PATJ: variants seen among roughly 807,000 people sequenced by gnomAD.
PATJ encodes the protein inaD-like protein.
A neutral mutation model predicts 224.9 loss-of-function variants in PATJ; 190 were observed. The observed-to-expected ratio is 0.84, with a 90% confidence interval of 0.75 to 0.95. The LOEUF is 0.95. PATJ is among the 40% of genes least tolerant of loss of function. PATJ has a pLI of 0.00. For missense variants in PATJ, 2,121 were observed against 2,270.3 expected (o/e 0.93, Z 1.34); for synonymous variants, 769 against 820.3 (o/e 0.94, Z 1.07).
intron 21 of PATJ, among the ~76,000 whole-genome samples, chr1:61,877,390 C>T (rs1362488183): frequency 6.6e-6 from 1 of 151,732 alleles, no homozygotes; most frequent in Non-Finnish European, 1.5e-5. Context: ...TTCCTCCATT[C>T]CTCTCCTATA....
intron 13 of PATJ, 145 bp from the exon 14 acceptor site, chr1:61,808,329 A>G: frequency 1.6e-6 from 1 of 644,096 alleles, no homozygotes; most frequent in Non-Finnish European, 2.8e-6. Flanking sequence ...ATTATGTGTT[A>G]TAGATTTCAA....
intron 35 of PATJ, among the ~76,000 whole-genome samples, chr1:62,115,923 A>C (rs1256436919): frequency 6.6e-6 from 1 of 152,102 alleles, no homozygotes; most frequent in Non-Finnish European, 1.5e-5. Context: ...ATGCATTACC[A>C]AACAAAAAAA....
At chr1:62,130,074 C>T (rs1666106018) in intron 41 of PATJ, among the ~76,000 whole-genome samples, 1 of 152,196 alleles carries the variant, frequency 6.6e-6, no homozygotes, top group Admixed American at 6.5e-5. Context: ...GTGGCTCACA[C>T]CTATAGTCCC....
chr1:61,881,837 C>T (rs1261482594), intron 21 of PATJ, among the ~76,000 whole-genome samples: 1 of 152,116 alleles, frequency 6.6e-6, no homozygotes, highest in Non-Finnish European at 1.5e-5. Flanking sequence ...TCTCAAAGCT[C>T]CTTTACGAGA....
At chr1:61,874,602 G>T (rs1448591945) in intron 20 of PATJ, among the ~76,000 whole-genome samples, 2 of 152,158 alleles carry the variant, frequency 1.3e-5, no homozygotes, top group Non-Finnish European at 2.9e-5. Context: ...TCTTCACCTT[G>T]GGGGTTAGGA....
At chr1:61,772,711 C>T (rs568822110) in intron 6 of PATJ, among the ~76,000 whole-genome samples, 5 of 152,238 alleles carry the variant, frequency 3.3e-5, no homozygotes, top group South Asian at 4.1e-4. Flanking sequence ...CATTGTTTAA[C>T]GTATAAAGAA....
chr1:61,784,939 G>T (rs988262817), intron 7 of PATJ, among the ~76,000 whole-genome samples: 1 of 151,890 alleles, frequency 6.6e-6, no homozygotes, highest in Non-Finnish European at 1.5e-5. Flanking sequence ...TTGCATTTCC[G>T]CTGCACCACT....
chr1:62,151,468 G>A (rs1002069871), intron 42 of PATJ, among the ~76,000 whole-genome samples: 1 of 152,060 alleles, frequency 6.6e-6, no homozygotes, highest in Non-Finnish European at 1.5e-5. Context: ...GCAGGCGCCT[G>A]TAGTCCCAGC....
chr1:62,067,274 A>G (rs528990598), intron 31 of PATJ, among the ~76,000 whole-genome samples: 44 of 151,656 alleles, frequency 2.9e-4, no homozygotes, highest in Admixed American at 5.3e-4. Flanking sequence ...CTACAGGCAC[A>G]TGCCACCACG....
chr1:61,902,729 C>T (rs547261049), intron 24 of PATJ, among the ~76,000 whole-genome samples: 31 of 151,970 alleles, frequency 2.0e-4, no homozygotes, highest in Non-Finnish European at 3.7e-4. Context: ...GGGGAATAGA[C>T]AATAAAATAA....
chr1:61,973,333 G>A (rs1162265760), intron 27 of PATJ, among the ~76,000 whole-genome samples: 1 of 151,968 alleles, frequency 6.6e-6, no homozygotes. Flanking sequence ...TGTTCTGATG[G>A]TTATTGGAAA....
At chr1:61,894,446 G>A (rs1370023192) in intron 22 of PATJ, among the ~76,000 whole-genome samples, 2 of 152,134 alleles carry the variant, frequency 1.3e-5, no homozygotes, top group Non-Finnish European at 2.9e-5. Context: ...CATGGGAGGT[G>A]ATTGGATCGT....
rs181906006 is a variant in PATJ at position 61,789,036 on chromosome 1, C to T, written c.1068+1064C>T. The stretch of plus-strand genomic sequence containing the variant: ...AAAGAAAAGAGAAATGGGCCAGATG[C>T]GGTGGCTTACGCCTCTAATGCCAGC... On this transcript the variant is annotated intron_variant, in intron 8 of 43. Coordinates refer to ENST00000642238, the MANE Select transcript of PATJ (RefSeq NM_001350145.3). Among the ~76,000 whole-genome samples the T allele has an allele frequency of 7.1e-4, 108 of 151,874 alleles. 1 individual carries two copies. Among genetic ancestry groups the T allele is most frequent in the African/African-American group, 2.3e-3 (94 of 41,462 alleles).
At chr1:62,022,399 C>T (rs11590158) in intron 29 of PATJ, among the ~76,000 whole-genome samples, 19,658 of 152,048 alleles carry the variant, frequency 0.13, 1,405 homozygotes, top group Middle Eastern at 0.23. Flanking sequence ...ACATATGGTC[C>T]CTGATACACT....
chr1:61,963,193 A>G (rs1681566475), intron 27 of PATJ, among the ~76,000 whole-genome samples: 1 of 152,222 alleles, frequency 6.6e-6, no homozygotes, highest in African/African-American at 2.4e-5. Context: ...AACTTTACTA[A>G]TAGCCTACTC....
chr1:62,064,622 G>A (rs371199800), intron 31 of PATJ, among the ~76,000 whole-genome samples: 24 of 152,228 alleles, frequency 1.6e-4, no homozygotes, highest in South Asian at 8.3e-4. Flanking sequence ...CCACCGCGCC[G>A]GGCCTTCATA....
chr1:61,755,787 A>G (rs952968741), intron 1 of PATJ, among the ~76,000 whole-genome samples: 3 of 152,194 alleles, frequency 2.0e-5, no homozygotes, highest in Admixed American at 2.0e-4. Flanking sequence ...CAAAAGACAT[A>G]CAAAATAAGG....
At position 62,161,004 on chromosome 1, in the gene PATJ, G is replaced by T. The variant is rs991501870; in HGVS notation, c.5599G>T (p.Ala1867Ser). The T allele has an allele frequency of 1.2e-6, 2 of 1,608,354 alleles. No individual in the cohort carries two copies. Among genetic ancestry groups the T allele is most frequent in the Admixed American group, 1.7e-5 (1 of 59,012 alleles). The part of the protein sequence containing the change: ...LEGVTHEQAV[A>S]ILKHQRGTVT... ...AGGTGTTACTCATGAGCAAGCAGTCGCCATTCTAAAACACCAGAGAGGGAC... is the reference window on the plus strand; with the variant it reads ...AGGTGTTACTCATGAGCAAGCAGTCTCCATTCTAAAACACCAGAGAGGGAC... The change falls in exon 44 of 44, where the codon GCC (alanine) becomes TCC (serine). Residue 1867 changes from alanine (A) to serine (S), a missense_variant. Physicochemically the swap from Ala to Ser is moderately conservative, Grantham distance 99. Coordinates refer to ENST00000642238, the MANE Select transcript of PATJ (RefSeq NM_001350145.3).
At chr1:62,061,685 A>G (rs1460578452) in intron 31 of PATJ, among the ~76,000 whole-genome samples, 1 of 150,684 alleles carries the variant, frequency 6.6e-6, no homozygotes, top group Admixed American at 6.6e-5. Context: ...TTTGAGATGG[A>G]GTCTCACTCT....
Sources: allele counts gnomAD v4.1 joint callset (sites outside exome capture counted in the v4.1 genomes callset), GRCh38; gene constraint gnomAD v4.1.1; transcripts MANE v1.5; gene names NCBI Gene and HGNC (gene_info 2026-07-23, HGNC 2026-07-21).